Variants in XKR6 observed in about 807,000 individuals in gnomAD.
XKR6 encodes the protein XK-related protein 6.
Under a neutral mutation model 56.7 loss-of-function variants are expected in XKR6, and 22 were observed. That is an observed-to-expected ratio of 0.39 (90% confidence interval 0.28 to 0.55). The LOEUF (loss-of-function observed/expected upper bound fraction) is 0.55. Among genes scored for constraint, XKR6 ranks in the 20% least tolerant of loss-of-function variants. The probability of loss-of-function intolerance (pLI) is 0.66; values close to 1 mark genes in which losing one functional copy is unlikely to be tolerated. For missense variants in XKR6, 852 were observed against 889.0 expected (o/e 0.96, Z 0.53); for synonymous variants, 524 against 387.8 (o/e 1.35, Z -4.13).
intron 1 of XKR6, among the ~76,000 whole-genome samples, chr8:11,151,587 G>A (rs1469841947): frequency 6.6e-6 from 1 of 152,148 alleles, no homozygotes; most frequent in Non-Finnish European, 1.5e-5. Context: ...AGCACTGATA[G>A]CAGAAGCAAC....
At chr8:11,050,178 C>G (rs1024069778) in intron 1 of XKR6, among the ~76,000 whole-genome samples, 4 of 152,218 alleles carry the variant, frequency 2.6e-5, no homozygotes, top group African/African-American at 9.6e-5. Context: ...CACGCAGATT[C>G]AGTGAAGCTG....
chr8:10,988,797 T>C (rs1797922565), intron 1 of XKR6, among the ~76,000 whole-genome samples: 1 of 152,196 alleles, frequency 6.6e-6, no homozygotes, highest in Non-Finnish European at 1.5e-5. Context: ...TCAAAACATG[T>C]GAACCATGAT....
chr8:10,919,452 C>T (rs1800652248), intron 2 of XKR6, among the ~76,000 whole-genome samples: 1 of 152,196 alleles, frequency 6.6e-6, no homozygotes, highest in Admixed American at 6.5e-5. Context: ...TGGATTATGC[C>T]TGTTATGCTC....
intron 1 of XKR6, among the ~76,000 whole-genome samples, chr8:11,152,869 G>A (rs1037121442): frequency 2.4e-4 from 37 of 152,110 alleles, no homozygotes; most frequent in African/African-American, 8.7e-4. Flanking sequence ...TAAGCATACT[G>A]GTTTTACTTT....
chr8:10,972,026 G>T (rs1802423030), intron 1 of XKR6, among the ~76,000 whole-genome samples: 1 of 152,184 alleles, frequency 6.6e-6, no homozygotes, highest in African/African-American at 2.4e-5. Flanking sequence ...AGCCCCAGAA[G>T]TGACATTCAG....
intron 1 of XKR6, among the ~76,000 whole-genome samples, chr8:11,058,881 C>T (rs1799754629): frequency 6.6e-6 from 1 of 152,206 alleles, no homozygotes; most frequent in Non-Finnish European, 1.5e-5. Flanking sequence ...TGTATAGTCA[C>T]TGTGGGATAT....
rs557505586 is a variant in XKR6, at chr8:11,062,758, A to G, written c.764+137818T>C. 3 of 456,290 alleles carry G rather than the reference A, an allele frequency of 6.6e-6. No individual in the cohort carries two copies. In the East Asian group the frequency reaches 2.1e-4, roughly 32 times the overall value. The allele number at this position is 456,290 out of a possible 1,614,324, so 28.3% of individuals were successfully genotyped here. A position where few individuals can be genotyped will look rare whatever the true frequency, so the allele number is the denominator to read the frequency against. The stretch of plus-strand genomic sequence containing the variant: ...CTGTGACATAAACAGCTACGTACTT[A>G]CAGAAATTGTTCTCTCTTTTCCCTG... On this transcript the variant is annotated intron_variant, in intron 1 of 2. Coordinates refer to ENST00000416569, the MANE Select transcript of XKR6 (RefSeq NM_173683.4).
At chr8:11,087,978 C>T (rs1286973019) in intron 1 of XKR6, among the ~76,000 whole-genome samples, 1 of 152,190 alleles carries the variant, frequency 6.6e-6, no homozygotes, top group Non-Finnish European at 1.5e-5. Context: ...CAACTTGCAC[C>T]TGATTTGTTG....
chr8:11,056,917 C>T (rs1275386555), intron 1 of XKR6, among the ~76,000 whole-genome samples: 1 of 152,186 alleles, frequency 6.6e-6, no homozygotes, highest in African/African-American at 2.4e-5. Flanking sequence ...TCTAGTCTCA[C>T]TTCTCCCAGT....
intron 1 of XKR6, among the ~76,000 whole-genome samples, chr8:11,148,376 C>A (rs1455935754): frequency 6.6e-6 from 1 of 152,184 alleles, no homozygotes; most frequent in Non-Finnish European, 1.5e-5. Flanking sequence ...AGGTGGAGGG[C>A]AGCCGTCTGC....
chr8:10,963,566 G>A (rs1271948871), intron 1 of XKR6, among the ~76,000 whole-genome samples: 3 of 148,998 alleles, frequency 2.0e-5, no homozygotes, highest in Non-Finnish European at 1.5e-5. Flanking sequence ...TTTTGAGATC[G>A]AGTCTCACTC....
At chr8:11,184,835 A>G (rs1283995798) in intron 1 of XKR6, among the ~76,000 whole-genome samples, 2 of 152,158 alleles carry the variant, frequency 1.3e-5, no homozygotes, top group South Asian at 2.1e-4. Flanking sequence ...CACAGCCTCA[A>G]TAAGGAATTT....
At chr8:11,122,045 A>G (rs1799485310) in intron 1 of XKR6, among the ~76,000 whole-genome samples, 1 of 152,234 alleles carries the variant, frequency 6.6e-6, no homozygotes, top group African/African-American at 2.4e-5. Context: ...AATATTCAAT[A>G]GCACACAGTG....
chr8:10,946,905 C>A (rs1430858495), intron 1 of XKR6, among the ~76,000 whole-genome samples: 5 of 152,094 alleles, frequency 3.3e-5, no homozygotes, highest in Non-Finnish European at 5.9e-5. Context: ...CACCAAGCAG[C>A]TAAGGGAAAG....
At chr8:11,182,730 A>G (rs927864954) in intron 1 of XKR6, among the ~76,000 whole-genome samples, 1 of 152,252 alleles carries the variant, frequency 6.6e-6, no homozygotes. Context: ...GGCAAAGTAT[A>G]TACAACAAAA....
At chr8:10,978,529 G>A (rs1797647432) in intron 1 of XKR6, among the ~76,000 whole-genome samples, 1 of 152,142 alleles carries the variant, frequency 6.6e-6, no homozygotes, top group Admixed American at 6.5e-5. Context: ...TTTATCACTT[G>A]GGCTTTTTAT....
At chr8:11,095,442 C>A (rs923953839) in intron 1 of XKR6, among the ~76,000 whole-genome samples, 2 of 152,222 alleles carry the variant, frequency 1.3e-5, no homozygotes, top group African/African-American at 2.4e-5. Flanking sequence ...GAAATGATCA[C>A]ATGCCAGTCA....
At chr8:11,179,021 T>C (rs1485732062) in intron 1 of XKR6, among the ~76,000 whole-genome samples, 1 of 39,574 alleles carries the variant, frequency 2.5e-5, no homozygotes, top group African/African-American at 5.5e-4. Flanking sequence ...TTTCTTTTTC[T>C]TTTTTTTTTT....
intron 1 of XKR6, among the ~76,000 whole-genome samples, chr8:11,187,906 T>C (rs1307702472): frequency 6.6e-6 from 1 of 152,230 alleles, no homozygotes; most frequent in African/African-American, 2.4e-5. Context: ...CTGAGTATAA[T>C]GCTGAGCGCA....
Sources: gnomAD v4.1 joint callset for allele counts (sites outside exome capture counted in the v4.1 genomes callset) on GRCh38, gnomAD v4.1.1 for gene constraint, MANE v1.5 for transcripts, NCBI Gene and HGNC (gene_info 2026-07-23, HGNC 2026-07-21) for gene names.